PTCHD1: variants seen among roughly 807,000 people sequenced by gnomAD.
PTCHD1 encodes the protein patched domain-containing protein 1.
PTCHD1 carries 3 observed loss-of-function variants against 34.6 expected under a neutral mutation model. The ratio of observed to expected loss-of-function variants is 0.09; its 90% confidence interval spans 0.04 to 0.22. The LOEUF is 0.22. PTCHD1 is among the 10% of genes least tolerant of loss of function. The probability of loss-of-function intolerance (pLI) is 1.00; values close to 1 mark genes in which losing one functional copy is unlikely to be tolerated. For missense variants in PTCHD1, 504 were observed against 685.5 expected, an observed-to-expected ratio of 0.74 and a Z score of 2.96; for synonymous variants, 305 against 283.1, an observed-to-expected ratio of 1.08 and a Z score of -0.77.
chrX:23,383,318 A>T (rs1033799337), intron 2 of PTCHD1, among the ~76,000 whole-genome samples: 2 of 112,322 alleles, frequency 1.8e-5, no homozygotes, highest in African/African-American at 6.5e-5. Context: ...CAATAGGTCT[A>T]TACTGTGATA....
At chrX:23,374,576 A>T (rs1392323925) in intron 1 of PTCHD1, among the ~76,000 whole-genome samples, 1 of 108,483 alleles carries the variant, frequency 9.2e-6, no homozygotes, top group Non-Finnish European at 1.9e-5. Flanking sequence ...GCCTCCCCAG[A>T]ATGGGAAATC....
chrX:23,382,532 A>C (rs1218534105), intron 2 of PTCHD1, among the ~76,000 whole-genome samples: 1 of 112,689 alleles, frequency 8.9e-6, no homozygotes, highest in Non-Finnish European at 1.9e-5. Context: ...TGCTGTTAGC[A>C]GGGAAATGTC....
intron 1 of PTCHD1, among the ~76,000 whole-genome samples, chrX:23,363,582 G>A (rs765871865): frequency 8.9e-6 from 1 of 112,887 alleles, no homozygotes; most frequent in East Asian, 2.8e-4. Flanking sequence ...GGTAGGAAAG[G>A]GAAATCCCCT....
intron 2 of PTCHD1, among the ~76,000 whole-genome samples, chrX:23,390,005 A>T (rs751503210): frequency 1.8e-5 from 2 of 111,754 alleles, no homozygotes; most frequent in Non-Finnish European, 3.8e-5. Context: ...CCTTTTCTCA[A>T]TTAGCTTCTA....
At chrX:23,358,305 TC>T (rs1921866646) in intron 1 of PTCHD1, among the ~76,000 whole-genome samples, 1 of 112,086 alleles carries the variant, frequency 8.9e-6, no homozygotes. Context: ...TTTCTCCACA[TC>T]CTCTCCAGCA....
chrX:23,344,079 A>G (rs1317728548), intron 1 of PTCHD1, among the ~76,000 whole-genome samples: 4 of 112,374 alleles, frequency 3.6e-5, no homozygotes, highest in Non-Finnish European at 7.5e-5. Flanking sequence ...GGGAACTGCA[A>G]GTCTGCATTT....
chrX:23,340,986 C>T lies in PTCHD1; in HGVS notation c.351+5760C>T, dbSNP rs186609541. Among the ~76,000 whole-genome samples the T allele has an allele frequency of 2.0e-3, 229 of 112,117 alleles. 1 individual carries two copies. Among genetic ancestry groups the T allele is most frequent in the African/African-American group, 6.8e-3 (211 of 30,861 alleles). ...CCTTTCATTTCGTAGGTAGTGTATC[C>T]GAATAATCTAAGCACAGTCTCATCC... On this transcript the variant is annotated intron_variant, in intron 1 of 2. Coordinates refer to ENST00000379361, the MANE Select transcript of PTCHD1 (RefSeq NM_173495.3).
At chrX:23,392,058 T>TTTTCTTTC (rs1373201862) in intron 2 of PTCHD1, among the ~76,000 whole-genome samples, 1 of 81,077 alleles carries the variant, frequency 1.2e-5, no homozygotes, top group African/African-American at 5.8e-5. Context: ...TTTCTTTCTT[T>TTTTCTTTC]TTTCTTTCTT....
At chrX:23,376,721 A>G (rs1041812676) in intron 1 of PTCHD1, among the ~76,000 whole-genome samples, 1 of 111,621 alleles carries the variant, frequency 9.0e-6, no homozygotes, top group Non-Finnish European at 1.9e-5. Context: ...CTCTTATTCC[A>G]CAGTAGAATC....
chrX:23,358,205 C>A (rs1340315425), intron 1 of PTCHD1, among the ~76,000 whole-genome samples: 1 of 112,058 alleles, frequency 8.9e-6, no homozygotes, highest in Admixed American at 9.4e-5. Context: ...AAAGGTATTT[C>A]TACCTCTAGA....
chrX:23,363,039 C>G (rs764600315), intron 1 of PTCHD1, among the ~76,000 whole-genome samples: 6 of 111,849 alleles, frequency 5.4e-5, no homozygotes, highest in African/African-American at 2.0e-4. Context: ...CAGAGGAGCA[C>G]CCACCTGTAT....
chrX:23,344,646 C>A (rs889797035), intron 1 of PTCHD1, among the ~76,000 whole-genome samples: 1 of 111,831 alleles, frequency 8.9e-6, no homozygotes, highest in African/African-American at 3.3e-5. Flanking sequence ...AGTTCTTAGG[C>A]AGGCAGAGCT....
chrX:23,380,388 C>A, intron 2 of PTCHD1, 137 bp downstream of exon 2: 1 of 608,183 alleles, frequency 1.6e-6, no homozygotes, highest in Non-Finnish European at 2.7e-6. Flanking sequence ...CTGGGACCCA[C>A]TCTATAAAGT....
In PTCHD1 at chrX:23,342,323, TTTTTTTTTTA is replaced by T. The variant is rs1303142222; in HGVS notation, c.351+7098_351+7107del. Among the ~76,000 whole-genome samples, 968 of 48,710 alleles carry T rather than the reference TTTTTTTTTTA, an allele frequency of 0.02. 18 individuals carry two copies. The East Asian group carries it at 0.3, about 15-fold the overall frequency. The allele number at this position is 48,710 out of a possible 115,157, so 42.3% of individuals were successfully genotyped here. On this transcript the variant is annotated intron_variant, in intron 1 of 2. Transcript: ENST00000379361. ...ATATATATATATATTTTTTTTTTTT[TTTTTTTTTTA>T]AAAGAATTGGGTACAGAGCTACAGG...
chrX:23,362,452 C>T (rs1353694439), intron 1 of PTCHD1, among the ~76,000 whole-genome samples: 1 of 111,825 alleles, frequency 8.9e-6, no homozygotes, highest in Admixed American at 9.4e-5. Flanking sequence ...GCTATTGAAG[C>T]TTGGACATGG....
Position 23,379,960 on chromosome X carries a change from C to G in PTCHD1, c.721C>G (p.Gln241Glu), listed in dbSNP as rs1179500809. The G allele has an allele frequency of 8.3e-7, 1 of 1,212,031 alleles. No homozygotes were observed. The highest frequency in any genetic ancestry group is 2.2e-5 in the Admixed American group (1 of 46,091). Residue 241 changes from glutamine to glutamate, a missense_variant, in exon 2 of 3, where the codon CAG becomes GAG. Transcript: ENST00000379361. ...SSFCDTVRLF[Q>E]KSNSKVKMYP... is the part of the protein sequence containing the mutation. ...CTTCTGCGACACTGTCAGACTGTTTCAGAAATCCAACAGCAAAGTCAAAAT... is the reference window on the plus strand; with the variant it reads ...CTTCTGCGACACTGTCAGACTGTTTGAGAAATCCAACAGCAAAGTCAAAAT...
intron 1 of PTCHD1, among the ~76,000 whole-genome samples, chrX:23,368,573 C>T (rs1427552544): frequency 9.0e-6 from 1 of 111,403 alleles, no homozygotes; most frequent in Non-Finnish European, 1.9e-5. Context: ...TCCCTGCCGT[C>T]GTGAAGCATA....
intron 1 of PTCHD1, among the ~76,000 whole-genome samples, chrX:23,365,201 T>TGTGC (rs775675953): frequency 8.9e-6 from 1 of 111,964 alleles, no homozygotes; most frequent in South Asian, 3.7e-4. Context: ...GTCATAAAAA[T>TGTGC]GTGCCTACCA....
In PTCHD1 at chrX:23,358,073, G is replaced by A. The variant is rs1239945616; in HGVS notation, c.352-21518G>A. On this transcript the variant is annotated intron_variant, in intron 1 of 2. Transcript: ENST00000379361. ...CAGTCTATCATTGATGGACATTTGG[G>A]TTGGTTCCAAGTCTTTGCTGTTGTG... 6.3e-5 allele frequency among the ~76,000 whole-genome samples: 7 copies of A among 111,959 alleles called. No individual in the cohort carries two copies. The Admixed American group carries it at 6.6e-4, about 11-fold the overall frequency.
Sources: gnomAD v4.1 joint callset for allele counts (sites outside exome capture counted in the v4.1 genomes callset) on GRCh38, gnomAD v4.1.1 for gene constraint, MANE v1.5 for transcripts, NCBI Gene and HGNC (gene_info 2026-07-23, HGNC 2026-07-21) for gene names.